The following CTTNBP2 variants were observed in gnomAD, a reference collection of about 807,000 sequenced individuals.
CTTNBP2 encodes cortactin binding protein 2.
Under a neutral mutation model 156.9 loss-of-function variants are expected in CTTNBP2, and 108 were observed. That is an observed-to-expected ratio of 0.69 (90% CI 0.59 to 0.81). The LOEUF is 0.81. Ranked by LOEUF, CTTNBP2 falls within the 30% of genes least tolerant of loss-of-function variation. The pLI, the probability that CTTNBP2 is intolerant of heterozygous loss-of-function variation, is 0.00. For missense variants in CTTNBP2, 1,924 were observed against 2,035.4 expected (o/e 0.95, Z 1.05); for synonymous variants, 767 against 751.8 (o/e 1.02, Z -0.33).
intron 2 of CTTNBP2, among the ~76,000 whole-genome samples, chr7:117,857,577 C>A (rs1803413143): frequency 6.6e-6 from 1 of 151,926 alleles, no homozygotes; most frequent in Non-Finnish European, 1.5e-5. Context: ...ATTTGTCTCA[C>A]AACAAAATCA....
intron 2 of CTTNBP2, among the ~76,000 whole-genome samples, chr7:117,841,626 T>C (rs1199457987): frequency 2.0e-5 from 3 of 152,220 alleles, no homozygotes; most frequent in Admixed American, 2.0e-4. Context: ...TCTCCAAAGA[T>C]AGTTAGTCTC....
intron 8 of CTTNBP2, among the ~76,000 whole-genome samples, chr7:117,769,880 A>T (rs750206262): frequency 6.6e-6 from 1 of 152,200 alleles, no homozygotes; most frequent in Non-Finnish European, 1.5e-5. Flanking sequence ...TAATCCTGCC[A>T]TCCAAAATGA....
intron 1 of CTTNBP2, among the ~76,000 whole-genome samples, chr7:117,867,530 T>G (rs139605103): frequency 1.3e-5 from 2 of 152,140 alleles, no homozygotes; most frequent in East Asian, 3.9e-4. Context: ...TTATCCAACA[T>G]GCTCCCCCTG....
intron 4 of CTTNBP2, among the ~76,000 whole-genome samples, chr7:117,787,165 A>G (rs1372166467): frequency 1.3e-5 from 2 of 152,234 alleles, no homozygotes; most frequent in African/African-American, 4.8e-5. Context: ...GAAATTCCCG[A>G]CAATCATAAA....
chr7:117,777,500 A>G lies in CTTNBP2; in HGVS notation c.2778+11T>C. On this transcript the variant is annotated intron_variant, in intron 8 of 22. Transcript: ENST00000160373. ...CAGCTGCATGATGAGGCCAGCTGCT[A>G]CCAGACACACCTTAAAACCTTTGGA... The G allele has an allele frequency of 6.2e-7, 1 of 1,610,350 alleles. No homozygotes were observed.
At chr7:117,825,646 G>A (rs904966748) in intron 2 of CTTNBP2, among the ~76,000 whole-genome samples, 6 of 152,292 alleles carry the variant, frequency 3.9e-5, no homozygotes, top group African/African-American at 1.2e-4. Context: ...AGAATCTGTC[G>A]CTTCAAAGTT....
intron 2 of CTTNBP2, among the ~76,000 whole-genome samples, chr7:117,847,446 G>C (rs554979768): frequency 6.6e-6 from 1 of 152,192 alleles, no homozygotes; most frequent in African/African-American, 2.4e-5. Flanking sequence ...TGAGGCAGGA[G>C]AATTGCTTAA....
intron 21 of CTTNBP2, 31 bp from the exon 22 acceptor site, chr7:117,718,150 C>G: frequency 7.2e-7 from 1 of 1,386,434 alleles, no homozygotes; most frequent in Non-Finnish European, 1.0e-6. Flanking sequence ...CCGGTCATGT[C>G]TCCACAGTCA....
intron 16 of CTTNBP2, among the ~76,000 whole-genome samples, chr7:117,729,669 C>T (rs1052854816): frequency 6.6e-6 from 1 of 152,004 alleles, no homozygotes; most frequent in African/African-American, 2.4e-5. Context: ...CAATTGCCTT[C>T]CTTTTTTTTT....
At chr7:117,829,572 T>C (rs1415031020) in intron 2 of CTTNBP2, among the ~76,000 whole-genome samples, 5 of 152,158 alleles carry the variant, frequency 3.3e-5, no homozygotes, top group Admixed American at 1.3e-4. Context: ...GGGATCCACA[T>C]ATGCTCTAGG....
intron 19 of CTTNBP2, among the ~76,000 whole-genome samples, chr7:117,723,277 A>G (rs1259651257): frequency 6.6e-6 from 1 of 152,216 alleles, no homozygotes; most frequent in African/African-American, 2.4e-5. Flanking sequence ...GGGGAACCCT[A>G]GCATATATTG....
rs749303825 is a variant in CTTNBP2, at chr7:117,861,260, G to A, written c.138C>T (p.Ser46=). ...LSKSELRMLL[S]VMEGELEARD... ...TGGCCTCCAGCTCCCCTTCCATCAC[G>A]CTGAGGAGCATCCGCAGCTCGGATT... Residue 46 remains serine, a synonymous_variant, in exon 2 of 23, where the codon AGC becomes AGT. Transcript: ENST00000160373. 57 of 1,613,598 alleles carry A rather than the reference G, an allele frequency of 3.5e-5. 1 individual carries two copies. In the Middle Eastern group the frequency reaches 8.2e-4, roughly 23 times the overall value.
intron 2 of CTTNBP2, among the ~76,000 whole-genome samples, chr7:117,846,884 T>C (rs1802616168): frequency 1.3e-5 from 2 of 151,964 alleles, no homozygotes; most frequent in African/African-American, 4.8e-5. Flanking sequence ...TAAAAAAATA[T>C]ATATATACTC....
chr7:117,825,377 C>G (rs1801218579), intron 2 of CTTNBP2, among the ~76,000 whole-genome samples: 2 of 152,196 alleles, frequency 1.3e-5, no homozygotes, highest in South Asian at 4.1e-4. Flanking sequence ...TGGTACGTCT[C>G]CTTCACAGTC....
chr7:117,768,286 G>C (rs1255228704), intron 8 of CTTNBP2, among the ~76,000 whole-genome samples: 1 of 152,046 alleles, frequency 6.6e-6, no homozygotes, highest in Non-Finnish European at 1.5e-5. Context: ...ATCTGGCTGG[G>C]TGTGGTGGCT....
At chr7:117,724,783 C>G (rs747957631) in intron 18 of CTTNBP2, 51 bp from the exon 19 acceptor site, 2 of 1,572,912 alleles carry the variant, frequency 1.3e-6, no homozygotes, top group Admixed American at 1.8e-5. Flanking sequence ...CTGATTAAAG[C>G]AAAATACATT....
chr7:117,761,828 T>C (rs1399675532), intron 9 of CTTNBP2, among the ~76,000 whole-genome samples: 1 of 152,218 alleles, frequency 6.6e-6, no homozygotes, highest in East Asian at 1.9e-4. Context: ...TAAACTTTGG[T>C]AAAAAATTCC....
chr7:117,872,598 C>G (rs1170761189), intron 1 of CTTNBP2, among the ~76,000 whole-genome samples: 1 of 152,190 alleles, frequency 6.6e-6, no homozygotes. Context: ...GCGCATTCGG[C>G]CTCTAGACTC....
chr7:117,858,064 C>CA (rs1304008027), intron 2 of CTTNBP2, among the ~76,000 whole-genome samples: 2 of 152,214 alleles, frequency 1.3e-5, no homozygotes, highest in South Asian at 2.1e-4. Context: ...AATTTTAAAC[C>CA]AAAAAAGCTT....
Sources: gnomAD v4.1 joint callset for allele counts (sites outside exome capture counted in the v4.1 genomes callset) on GRCh38, gnomAD v4.1.1 for gene constraint, MANE v1.5 for transcripts, NCBI Gene and HGNC (gene_info 2026-07-23, HGNC 2026-07-21) for gene names.